CASK: variants seen among roughly 807,000 people sequenced by gnomAD.
CASK encodes the protein calcium/calmodulin dependent serine protein kinase.
Under a neutral mutation model 82.9 loss-of-function variants are expected in CASK, and 4 were observed. The observed-to-expected ratio is 0.05, with a 90% CI of 0.02 to 0.11. CASK has a LOEUF of 0.11. Ranked by LOEUF, CASK falls within the 10% of genes least tolerant of loss-of-function variation. The pLI, the probability that CASK is intolerant of heterozygous loss-of-function variation, is 1.00. For synonymous variants in CASK, 259 were observed against 253.5 expected, an observed-to-expected ratio of 1.02 and a Z score of -0.20; for missense variants, 358 against 720.9, an observed-to-expected ratio of 0.50 and a Z score of 5.76.
intron 2 of CASK, among the ~76,000 whole-genome samples, chrX:41,807,075 T>G (rs753621694): frequency 8.9e-6 from 1 of 111,737 alleles, no homozygotes; most frequent in Non-Finnish European, 1.9e-5. Flanking sequence ...AAGAGACTAA[T>G]TATTTTAGGT....
At chrX:41,636,161 T>C (rs1437416916) in intron 9 of CASK, among the ~76,000 whole-genome samples, 2 of 110,576 alleles carry the variant, frequency 1.8e-5, no homozygotes, top group African/African-American at 3.3e-5. Flanking sequence ...CCTCCCAAAG[T>C]GCTGGGATTA....
At chrX:41,698,515 GAT>G (rs2067734127) in intron 5 of CASK, among the ~76,000 whole-genome samples, 1 of 111,653 alleles carries the variant, frequency 9.0e-6, no homozygotes, top group South Asian at 3.7e-4. Flanking sequence ...GGATGAATAA[GAT>G]AGGGAGAAAG....
At chrX:41,884,197 T>C (rs1260042887) in intron 1 of CASK, among the ~76,000 whole-genome samples, 2 of 111,877 alleles carry the variant, frequency 1.8e-5, no homozygotes. Flanking sequence ...TCCTGCCCAA[T>C]AGGATCTGTT....
intron 5 of CASK, among the ~76,000 whole-genome samples, chrX:41,713,829 G>A (rs2068020872): frequency 8.9e-6 from 1 of 111,755 alleles, no homozygotes; most frequent in Non-Finnish European, 1.9e-5. Context: ...GAATAAAGTG[G>A]AAATCGATGG....
intron 5 of CASK, among the ~76,000 whole-genome samples, chrX:41,682,690 T>C (rs2067380120): frequency 9.3e-6 from 1 of 107,354 alleles, no homozygotes; most frequent in East Asian, 3.0e-4. Flanking sequence ...TAGCTTACTG[T>C]AGCCTTGAAC....
chrX:41,678,270 G>A (rs1386040412), intron 5 of CASK, among the ~76,000 whole-genome samples: 1 of 111,057 alleles, frequency 9.0e-6, no homozygotes, highest in Non-Finnish European at 1.9e-5. Context: ...TCTTGTGAGT[G>A]TCTCTTACTC....
chrX:41,570,003 C>T (rs868113781), intron 15 of CASK, among the ~76,000 whole-genome samples: 59 of 79,015 alleles, frequency 7.5e-4, no homozygotes, highest in Admixed American at 1.3e-3. Context: ...CTTTTCTTTT[C>T]TTTTTTCTTT....
At chrX:41,792,137 T>A (rs1422904216) in intron 2 of CASK, among the ~76,000 whole-genome samples, 1 of 111,664 alleles carries the variant, frequency 9.0e-6, no homozygotes, top group Admixed American at 9.5e-5. Context: ...GGGAAGCTGG[T>A]TCAAGTGGTC....
intron 12 of CASK, among the ~76,000 whole-genome samples, chrX:41,606,598 A>T (rs1399932029): frequency 1.8e-5 from 2 of 111,640 alleles, no homozygotes; most frequent in Non-Finnish European, 3.8e-5. Flanking sequence ...TCAGAACCAC[A>T]TGCATGCAAA....
At chrX:41,830,817 C>CA (rs780864898) in intron 2 of CASK, among the ~76,000 whole-genome samples, 6,873 of 36,426 alleles carry the variant, frequency 0.19, 525 homozygotes, top group Non-Finnish European at 0.21. Context: ...GAGACTCTGC[C>CA]AAAAAAAAAA....
chrX:41,602,840 C>T (rs1031264226), intron 12 of CASK, among the ~76,000 whole-genome samples: 1 of 110,142 alleles, frequency 9.1e-6, no homozygotes, highest in Non-Finnish European at 1.9e-5. Context: ...TGTTTCATGC[C>T]GTACTTTTAC....
At chrX:41,627,694 T>C (rs1414690096) in intron 9 of CASK, among the ~76,000 whole-genome samples, 1 of 112,610 alleles carries the variant, frequency 8.9e-6, no homozygotes, top group Non-Finnish European at 1.9e-5. Flanking sequence ...TAGGCTTTCT[T>C]ATCTGTAAAG....
chrX:41,747,842 ATTATT>A (rs2068719325), intron 3 of CASK, among the ~76,000 whole-genome samples: 1 of 112,490 alleles, frequency 8.9e-6, no homozygotes, highest in Non-Finnish European at 1.9e-5. Flanking sequence ...TAGGATAATG[ATTATT>A]TTTTTTCCAT....
chrX:41,699,378 A>G (rs1213174587), intron 5 of CASK, among the ~76,000 whole-genome samples: 1 of 112,142 alleles, frequency 8.9e-6, no homozygotes, highest in Admixed American at 9.5e-5. Flanking sequence ...ACAAAATTAT[A>G]TTAATTACTT....
chrX:41,644,847 G>C (rs1431311957), intron 8 of CASK, among the ~76,000 whole-genome samples: 1 of 111,508 alleles, frequency 9.0e-6, no homozygotes, highest in African/African-American at 3.3e-5. Context: ...TAGGCTCTTA[G>C]GCTCATTAGG....
rs1024883301 is a variant in CASK at position 41,891,365 on chromosome X, G to A, written c.59+31565C>T. Among the ~76,000 whole-genome samples the A allele has an allele frequency of 4.5e-5, 5 of 110,751 alleles. No homozygotes were observed. In the Admixed American group the frequency reaches 4.8e-4, roughly 11 times the overall value. ...CAAGGATCTATAAAATATCCAAAAG[G>A]ATTTTGCACTCAGATTACAGCTCAT... On this transcript the variant is annotated intron_variant, in intron 1 of 26. Transcript: ENST00000378163.
intron 13 of CASK, among the ~76,000 whole-genome samples, chrX:41,589,175 C>A (rs1057070840): frequency 8.9e-6 from 1 of 112,072 alleles, no homozygotes; most frequent in Non-Finnish European, 1.9e-5. Flanking sequence ...TCAAACATTA[C>A]CACCTTCAAA....
Position 41,517,455 on chromosome X carries a change from A to C in CASK, c.*2965T>G. 5.2e-6 allele frequency: 1 copy of C among 193,682 alleles called. No homozygotes were observed. The highest frequency in any genetic ancestry group is 9.6e-6 in the Non-Finnish European group (1 of 104,636). The allele number at this position is 193,682 out of a possible 1,213,427, so 16.0% of individuals were successfully genotyped here. A position where few individuals can be genotyped will look rare whatever the true frequency, so the allele number is the denominator to read the frequency against. On this transcript the variant is annotated 3_prime_UTR_variant, in exon 27 of 27. Transcript: ENST00000378163. ...TTTCCCTTTTTAGCATTAAAATGGG[A>C]TATGCTGTATGTGCAAAGTAATTAC...
intron 1 of CASK, among the ~76,000 whole-genome samples, chrX:41,922,269 G>A (rs2072797167): frequency 9.0e-6 from 1 of 111,586 alleles, no homozygotes; most frequent in Admixed American, 9.5e-5. Context: ...GTGACTCAAA[G>A]CAGACGGCTC....
Sources: gnomAD v4.1 joint callset for allele counts (sites outside exome capture counted in the v4.1 genomes callset) on GRCh38, gnomAD v4.1.1 for gene constraint, MANE v1.5 for transcripts, NCBI Gene and HGNC (gene_info 2026-07-23, HGNC 2026-07-21) for gene names.